EPG5: variants seen among roughly 807,000 people sequenced by gnomAD.
EPG5 encodes the protein ectopic P granules protein 5 homolog.
Under a neutral mutation model 302.7 loss-of-function variants are expected in EPG5, and 159 were observed. The observed-to-expected ratio is 0.53, with a 90% CI of 0.46 to 0.60. The LOEUF is 0.60. EPG5 is among the 20% of genes least tolerant of loss of function. The pLI, the probability that EPG5 is intolerant of heterozygous loss-of-function variation, is 0.00. For synonymous variants in EPG5, 1,158 were observed against 1,136.8 expected (o/e 1.02, Z -0.37); for missense variants, 2,896 against 3,092.4 (o/e 0.94, Z 1.51).
At chr18:45,803,331 A>T in the EPG5 span, among the ~76,000 whole-genome samples, 1 of 152,268 alleles carries the variant, frequency 6.6e-6, no homozygotes, top group South Asian at 2.1e-4. Context: ...GCCAATAACA[A>T]CTATAAACTC....
chr18:45,936,810 C>T (rs952247455), intron 10 of EPG5, among the ~76,000 whole-genome samples: 10 of 142,200 alleles, frequency 7.0e-5, no homozygotes, highest in Non-Finnish European at 1.2e-4. Context: ...TAAAAAAATA[C>T]GAGGCACTCA....
the EPG5 span, chr18:45,838,867 G>T: frequency 3.2e-6 from 5 of 1,586,076 alleles, no homozygotes; most frequent in Non-Finnish European, 4.3e-6. Context: ...GAGCCCGCGT[G>T]AGGGTCACGG....
intron 1 of EPG5, 118 bp downstream of exon 1, chr18:45,967,059 A>C (rs1158151684): frequency 2.1e-6 from 2 of 938,398 alleles, no homozygotes; most frequent in Non-Finnish European, 3.2e-6. Flanking sequence ...TGGAAGGTGG[A>C]GGCGGAAGAT....
At chr18:45,814,434 A>G in the EPG5 span, among the ~76,000 whole-genome samples, 2 of 152,242 alleles carry the variant, frequency 1.3e-5, no homozygotes, top group Non-Finnish European at 2.9e-5. Context: ...TTGGATCTTG[A>G]GATAAGAAGT....
chr18:45,966,499 A>T (rs1468335502), intron 1 of EPG5, among the ~76,000 whole-genome samples: 1 of 144,272 alleles, frequency 6.9e-6, no homozygotes, highest in Non-Finnish European at 1.5e-5. Context: ...TAAAATGAAA[A>T]TCCAGACTGC....
At position 45,870,559 on chromosome 18, in the gene EPG5, G is replaced by C; in HGVS notation, c.6225+8C>G. 1.2e-6 allele frequency: 2 copies of C among 1,611,088 alleles called. No individual in the cohort carries two copies. The highest frequency in any genetic ancestry group is 1.7e-6 in the Non-Finnish European group (2 of 1,177,748). ...TCTAGGCTGCGATGCCGGGAATGAA[G>C]GGCTTACTTTGAAGAAGGCCTCCAT... On this transcript the variant is annotated splice_region_variant and intron_variant, in intron 36 of 43. Transcript: ENST00000282041.
chr18:45,874,410 G>A lies in EPG5; in HGVS notation c.6049+1826C>T, dbSNP rs979325710. On this transcript the variant is annotated intron_variant, in intron 35 of 43. Transcript: ENST00000282041. ...GACATATGCTTAACTGTATGTATTA[G>A]CTCATTTTCACACTGCTGATAAAGA... Among the ~76,000 whole-genome samples, 3 of 152,048 alleles carry A rather than the reference G, an allele frequency of 2.0e-5. No individual in the cohort carries two copies. The South Asian group carries it at 6.2e-4, about 32-fold the overall frequency.
chr18:45,838,668 G>C, the EPG5 span: 1 of 1,493,716 alleles, frequency 6.7e-7, no homozygotes, highest in African/African-American at 1.4e-5. Flanking sequence ...CGTCCAAAGG[G>C]CTAAGGGGAG....
chr18:45,908,279 T>C (rs1007864789), intron 23 of EPG5, among the ~76,000 whole-genome samples, 198 bp from the exon 24 acceptor site: 2 of 152,090 alleles, frequency 1.3e-5, no homozygotes, highest in East Asian at 1.9e-4. Flanking sequence ...TATTCAAATA[T>C]GATGCGATAA....
At chr18:45,874,140 C>T (rs2048924277) in intron 35 of EPG5, among the ~76,000 whole-genome samples, 1 of 152,228 alleles carries the variant, frequency 6.6e-6, no homozygotes, top group African/African-American at 2.4e-5. Flanking sequence ...AGAGAGAACA[C>T]TAATGTAAAT....
chr18:45,803,504 G>A, the EPG5 span, among the ~76,000 whole-genome samples: 1 of 152,136 alleles, frequency 6.6e-6, no homozygotes, highest in Non-Finnish European at 1.5e-5. Context: ...ACTGTCCTGA[G>A]GGGCAGCTAA....
At chr18:45,828,124 A>C in the EPG5 span, among the ~76,000 whole-genome samples, 1 of 152,198 alleles carries the variant, frequency 6.6e-6, no homozygotes, top group Non-Finnish European at 1.5e-5. Context: ...CGGCCTGGGC[A>C]GGAGGCCCGA....
At chr18:45,867,980 T>A in intron 36 of EPG5, 4 of 608,792 alleles carry the variant, frequency 6.6e-6, no homozygotes, top group South Asian at 6.1e-5. Context: ...TTTATTCCAA[T>A]CATTCTTAAT....
At chr18:45,837,582 T>C in the EPG5 span, 4 of 1,515,464 alleles carry the variant, frequency 2.6e-6, no homozygotes, top group Middle Eastern at 2.3e-4. Flanking sequence ...GACGCGGCAG[T>C]GCTGCCCTGC....
At chr18:45,962,286 T>G (rs189962308) in intron 1 of EPG5, among the ~76,000 whole-genome samples, 1 of 152,310 alleles carries the variant, frequency 6.6e-6, no homozygotes, top group East Asian at 1.9e-4. Context: ...GGGATGGAGA[T>G]TCAAAGGTTT....
In EPG5 at chr18:45,934,842, G is replaced by A. The variant is rs1433419495; in HGVS notation, c.2224C>T (p.Leu742=). The A allele has an allele frequency of 6.2e-7, 1 of 1,614,144 alleles. No individual in the cohort carries two copies. The highest frequency in any genetic ancestry group is 8.5e-7 in the Non-Finnish European group (1 of 1,180,020). The change falls in exon 11 of 44, where the codon CTG becomes TTG. Residue 742 remains leucine, a synonymous_variant. Coordinates refer to ENST00000282041, the MANE Select transcript of EPG5 (RefSeq NM_020964.3). The part of the protein sequence containing the change: ...SENLQQLSSS[L]QPAQCKQQLQ... Reference sequence around the variant, plus strand: ...TGCTGCTTGCACTGGGCGGGCTGCAGGGAGGAGGAGAGCTGCTGCAGGTTC... The same window carrying A: ...TGCTGCTTGCACTGGGCGGGCTGCAAGGAGGAGGAGAGCTGCTGCAGGTTC...
Position 45,852,231 on chromosome 18 carries a change from A to C in EPG5, c.*236T>G, listed in dbSNP as rs887506134. On this transcript the variant is annotated 3_prime_UTR_variant, in exon 44 of 44. Coordinates refer to ENST00000282041, the MANE Select transcript of EPG5 (RefSeq NM_020964.3). ...GGAACTTAGTAAGTTTCTCTTGTGG[A>C]TAAATATAAAAACTTAAAGAGTCCC... 3.5e-5 allele frequency: 13 copies of C among 373,516 alleles called. No individual in the cohort carries two copies. Among genetic ancestry groups the C allele is most frequent in the Non-Finnish European group, 5.2e-5 (11 of 210,192 alleles). The allele number at this position is 373,516 out of a possible 1,614,324, so 23.1% of individuals were successfully genotyped here.
the EPG5 span, among the ~76,000 whole-genome samples, chr18:45,801,152 T>A: frequency 6.6e-6 from 1 of 152,160 alleles, no homozygotes; most frequent in Admixed American, 6.5e-5. Flanking sequence ...TTCTCCTGCC[T>A]TAGCCTCCCA....
At chr18:45,899,659 G>T in intron 26 of EPG5, 93 bp from the exon 27 acceptor site, 2 of 1,337,260 alleles carry the variant, frequency 1.5e-6, no homozygotes, top group Non-Finnish European at 2.1e-6. Flanking sequence ...CAGCATTATA[G>T]TGCAGCAAAA....
Sources: allele counts gnomAD v4.1 joint callset (sites outside exome capture counted in the v4.1 genomes callset), GRCh38; gene constraint gnomAD v4.1.1; transcripts MANE v1.5; gene names NCBI Gene and HGNC (gene_info 2026-07-23, HGNC 2026-07-21).